Variants in RIMKLB observed in about 807,000 individuals in gnomAD.
RIMKLB encodes the protein beta-citrylglutamate synthase B.
Under a neutral mutation model 32.0 loss-of-function variants are expected in RIMKLB, and 7 were observed. That is an observed-to-expected ratio of 0.22 (90% CI 0.12 to 0.41). RIMKLB has a LOEUF of 0.41. Ranked by LOEUF, RIMKLB falls within the 10% of genes least tolerant of loss-of-function variation. The probability of loss-of-function intolerance (pLI) is 1.00; values close to 1 mark genes in which losing one functional copy is unlikely to be tolerated. For missense variants in RIMKLB, 289 were observed against 498.7 expected (o/e 0.58, Z 4.00); for synonymous variants, 172 against 185.1 (o/e 0.93, Z 0.57).
At chr12:8,780,643 T>G (rs1033933576), downstream of RIMKLB, 3 of 152,186 alleles carry the variant, frequency 2.0e-5, no homozygotes, top group African/African-American at 7.2e-5. Flanking sequence ...TGACTTAAAG[T>G]CTGCATAGGA....
chr12:8,734,247 C>G (rs1199563680), intron 2 of RIMKLB, among the ~76,000 whole-genome samples: 1 of 152,078 alleles, frequency 6.6e-6, no homozygotes, highest in African/African-American at 2.4e-5. Context: ...ATAATTTGAC[C>G]TAATTATTGC....
the RIMKLB span, among the ~76,000 whole-genome samples, chr12:8,671,165 G>C: frequency 4.8e-3 from 728 of 152,266 alleles, 29 homozygotes; most frequent in Admixed American, 0.045. Context: ...TTTCCCCATG[G>C]TCTTGGGGCT....
chr12:8,711,043 T>C (rs1944332201), intron 1 of RIMKLB, among the ~76,000 whole-genome samples: 1 of 149,852 alleles, frequency 6.7e-6, no homozygotes, highest in African/African-American at 2.5e-5. Context: ...TTGGGCAACA[T>C]GGCAAAACCC....
chr12:8,718,665 ATATATGTGTGTGTGTGTGTG>A lies in RIMKLB; in HGVS notation c.175+4626_175+4645del, dbSNP rs1945125207. On this transcript the variant is annotated intron_variant, in intron 2 of 5. Transcript: ENST00000535829. The stretch of plus-strand genomic sequence containing the variant: ...TCTCTCTCTCTCTCTATATATATAT[ATATATGTGTGTGTGTGTGTG>A]TGTGTGTGTGTGTGTGTGTGTGTGT... 5.8e-4 allele frequency among the ~76,000 whole-genome samples: 60 copies of A among 104,316 alleles called. 2 individuals are homozygous for A. The highest frequency in any genetic ancestry group is 2.0e-3 in the African/African-American group (57 of 28,514). The allele number at this position is 104,316 out of a possible 152,430, so 68.4% of individuals were successfully genotyped here. A position where few individuals can be genotyped will look rare whatever the true frequency, so the allele number is the denominator to read the frequency against.
chr12:8,765,151 C>G (rs1274949298), intron 5 of RIMKLB, among the ~76,000 whole-genome samples: 1 of 151,942 alleles, frequency 6.6e-6, no homozygotes, highest in East Asian at 1.9e-4. Flanking sequence ...GGGAGGAATG[C>G]TTCCTCAGTG....
chr12:8,673,448 G>T, the RIMKLB span, among the ~76,000 whole-genome samples: 1 of 152,232 alleles, frequency 6.6e-6, no homozygotes, highest in Non-Finnish European at 1.5e-5. Context: ...GATCAGGCAG[G>T]AATTCTGCTT....
chr12:8,780,434 T>C (rs780387026), downstream of RIMKLB: 2 of 152,216 alleles, frequency 1.3e-5, no homozygotes, highest in Non-Finnish European at 2.9e-5. Flanking sequence ...ATTTTTGTTT[T>C]TTATTTTTGG....
intron 2 of RIMKLB, among the ~76,000 whole-genome samples, chr12:8,715,839 T>C (rs1944782055): frequency 6.6e-6 from 1 of 152,240 alleles, no homozygotes; most frequent in Admixed American, 6.5e-5. Context: ...AATGTGAATG[T>C]CACTTTGAAC....
At chr12:8,707,325 A>T (rs1261440094) in intron 1 of RIMKLB, among the ~76,000 whole-genome samples, 1 of 152,180 alleles carries the variant, frequency 6.6e-6, no homozygotes, top group Non-Finnish European at 1.5e-5. Context: ...TTTGGGTTTG[A>T]TTAATTTGCT....
chr12:8,736,517 CTTTTT>C (rs1157484475), intron 2 of RIMKLB, among the ~76,000 whole-genome samples: 4 of 126,772 alleles, frequency 3.2e-5, no homozygotes, highest in South Asian at 2.5e-4. Context: ...CATGTATTTC[CTTTTT>C]TTTTTTTTTT....
intron 2 of RIMKLB, among the ~76,000 whole-genome samples, chr12:8,746,567 C>T (rs906594180): frequency 8.3e-5 from 12 of 144,858 alleles, no homozygotes; most frequent in Admixed American, 1.4e-4. Context: ...CACTGCACTC[C>T]AGCCTGGGCG....
At chr12:8,708,813 A>G (rs1296674410) in intron 1 of RIMKLB, among the ~76,000 whole-genome samples, 1 of 152,220 alleles carries the variant, frequency 6.6e-6, no homozygotes, top group African/African-American at 2.4e-5. Flanking sequence ...GTATTCCAAG[A>G]TGCAGTGCTG....
intron 2 of RIMKLB, among the ~76,000 whole-genome samples, chr12:8,716,679 T>G (rs989177108): frequency 6.7e-5 from 10 of 150,234 alleles, no homozygotes; most frequent in African/African-American, 2.2e-4. Context: ...TGGCTTCAAA[T>G]TTTAATGACT....
intron 5 of RIMKLB, among the ~76,000 whole-genome samples, chr12:8,762,735 C>T (rs1032042596): frequency 4.6e-5 from 7 of 152,124 alleles, no homozygotes; most frequent in South Asian, 2.1e-4. Flanking sequence ...GCCAGCTGAG[C>T]GCTAGTTCCT....
In RIMKLB at chr12:8,773,467, G is replaced by T; in HGVS notation, c.844G>T (p.Val282Leu). The change falls in exon 6 of 6, where the codon GTA (valine) becomes TTA (leucine). Residue 282 changes from valine (V) to leucine (L), a missense_variant. Physicochemically the swap from Val to Leu is conservative, Grantham distance 32 (BLOSUM62 1). Transcript: ENST00000535829. The part of the protein sequence containing the change: ...SFCVCEANAN[V>L]GFIAFDKACN... The stretch of plus-strand genomic sequence containing the variant: ...CTGCGTCTGTGAGGCCAATGCAAAT[G>T]TAGGTTTCATCGCCTTTGATAAGGC... 1 of 1,614,248 alleles carries T rather than the reference G, an allele frequency of 6.2e-7. No individual in the cohort carries two copies. The highest frequency in any genetic ancestry group is 1.1e-5 in the South Asian group (1 of 91,088).
At chr12:8,760,653 G>T (rs374977115) in intron 5 of RIMKLB, among the ~76,000 whole-genome samples, 1 of 144,706 alleles carries the variant, frequency 6.9e-6, no homozygotes, top group East Asian at 2.0e-4. Context: ...GTGTGAGATG[G>T]TATCTTATTG....
chr12:8,709,961 CAG>C (rs1443518320), intron 1 of RIMKLB, among the ~76,000 whole-genome samples: 2 of 152,038 alleles, frequency 1.3e-5, no homozygotes, highest in Non-Finnish European at 2.9e-5. Context: ...ACCTGGTAAT[CAG>C]AGATTTAATG....
chr12:8,706,822 A>G (rs900407165), intron 1 of RIMKLB, among the ~76,000 whole-genome samples: 3 of 152,108 alleles, frequency 2.0e-5, no homozygotes, highest in East Asian at 3.9e-4. Context: ...GATGCCCAGT[A>G]GGCTCATTGA....
At chr12:8,712,740 AGG>A in intron 1 of RIMKLB, among the ~76,000 whole-genome samples, 1 of 152,214 alleles carries the variant, frequency 6.6e-6, no homozygotes, top group Non-Finnish European at 1.5e-5. Flanking sequence ...ACTGTGGAGC[AGG>A]CCCTTCTTGC....
Sources: gnomAD v4.1 joint callset for allele counts (sites outside exome capture counted in the v4.1 genomes callset) on GRCh38, gnomAD v4.1.1 for gene constraint, MANE v1.5 for transcripts, NCBI Gene and HGNC (gene_info 2026-07-23, HGNC 2026-07-21) for gene names.